RNF130: variants seen among roughly 807,000 people sequenced by gnomAD.
The protein encoded by RNF130 is ring finger protein 130.
A neutral mutation model predicts 44.6 loss-of-function variants in RNF130; 21 were observed. The ratio of observed to expected loss-of-function variants is 0.47; its 90% CI spans 0.33 to 0.68. The LOEUF is 0.68. Among genes scored for constraint, RNF130 ranks in the 30% least tolerant of loss-of-function variants. The pLI is 0.02. For missense variants in RNF130, 479 were observed against 560.6 expected (o/e 0.85, Z 1.47); for synonymous variants, 214 against 210.4 (o/e 1.02, Z -0.15).
At chr5:179,961,004 T>C (rs1171967192) in intron 8 of RNF130, among the ~76,000 whole-genome samples, 1 of 152,200 alleles carries the variant, frequency 6.6e-6, no homozygotes, top group Non-Finnish European at 1.5e-5. Context: ...GAATTTTTCA[T>C]TGATATTTTT....
At chr5:180,031,853 T>C (rs140178809) in intron 2 of RNF130, among the ~76,000 whole-genome samples, 1 of 152,370 alleles carries the variant, frequency 6.6e-6, no homozygotes, top group East Asian at 1.9e-4. Flanking sequence ...GGTTGTACCA[T>C]TTCACATTTC....
intron 7 of RNF130, among the ~76,000 whole-genome samples, chr5:179,940,970 G>A (rs1761963166): frequency 6.6e-6 from 1 of 151,986 alleles, no homozygotes; most frequent in Admixed American, 6.6e-5. Flanking sequence ...TCTTAGCTGT[G>A]TTTAAGTTGA....
chr5:180,032,532 G>A (rs1347995128), intron 2 of RNF130, among the ~76,000 whole-genome samples: 3 of 152,074 alleles, frequency 2.0e-5, no homozygotes, highest in African/African-American at 2.4e-5. Context: ...CACGAGGCCC[G>A]GCTTCTTTTT....
chr5:180,029,213 A>C (rs1183024590), intron 2 of RNF130, among the ~76,000 whole-genome samples: 1 of 152,266 alleles, frequency 6.6e-6, no homozygotes, highest in Admixed American at 6.5e-5. Flanking sequence ...GTCATAAAAA[A>C]TTAAAATCTG....
exon 8 of RNF130, chr5:179,913,456 G>A (rs961157716): frequency 6.6e-6 from 1 of 152,110 alleles, no homozygotes. Context: ...GGAAAAGGAA[G>A]GAAAACCCAA....
chr5:179,996,650 C>T (rs1349063270), intron 3 of RNF130, among the ~76,000 whole-genome samples: 1 of 152,216 alleles, frequency 6.6e-6, no homozygotes, highest in South Asian at 2.1e-4. Context: ...TCTTGCATCC[C>T]TGGGATAAAT....
At chr5:179,994,566 G>C (rs1341529532) in intron 3 of RNF130, among the ~76,000 whole-genome samples, 1 of 152,148 alleles carries the variant, frequency 6.6e-6, no homozygotes, top group African/African-American at 2.4e-5. Flanking sequence ...GCTTCTGAGT[G>C]TGTTCAGTAG....
chr5:179,949,997 AGCTGTTTTCCTGGGTG>A (rs1365974161), intron 7 of RNF130, among the ~76,000 whole-genome samples: 11 of 152,324 alleles, frequency 7.2e-5, no homozygotes, highest in Admixed American at 2.0e-4. Context: ...ATTTGTTTGA[AGCTGTTTTCCTGGGTG>A]GCCATCCTCC....
At chr5:179,963,590 T>A in intron 7 of RNF130, 26 bp from the exon 8 acceptor site, 1 of 1,514,888 alleles carries the variant, frequency 6.6e-7, no homozygotes, top group Non-Finnish European at 9.2e-7. Flanking sequence ...AGGGAGGAAA[T>A]CACTCTGGGG....
chr5:179,994,302 C>T (rs1763155461), intron 3 of RNF130, among the ~76,000 whole-genome samples: 1 of 152,118 alleles, frequency 6.6e-6, no homozygotes, highest in Non-Finnish European at 1.5e-5. Flanking sequence ...TTACCTTGGG[C>T]AGTATGGCCA....
chr5:179,948,961 A>ATTTTT (rs554440602), intron 7 of RNF130, among the ~76,000 whole-genome samples: 5 of 128,596 alleles, frequency 3.9e-5, no homozygotes, highest in South Asian at 2.4e-4. Flanking sequence ...CCTTGGAATA[A>ATTTTT]TTTTTTTTTT....
chr5:180,023,742 CAG>C (rs1388126856), intron 2 of RNF130, among the ~76,000 whole-genome samples: 5 of 152,132 alleles, frequency 3.3e-5, no homozygotes, highest in Admixed American at 3.3e-4. Context: ...ATAAATGGAG[CAG>C]AGGCAAATCA....
At chr5:179,944,086 C>T (rs2113684346) in intron 7 of RNF130, among the ~76,000 whole-genome samples, 1 of 151,962 alleles carries the variant, frequency 6.6e-6, no homozygotes, top group African/African-American at 2.4e-5. Context: ...ATTCTCCTGC[C>T]TCAGCCTCCC....
At chr5:180,046,289 A>G (rs866006437) in intron 1 of RNF130, among the ~76,000 whole-genome samples, 5 of 152,128 alleles carry the variant, frequency 3.3e-5, no homozygotes, top group South Asian at 2.1e-4. Flanking sequence ...GGGCTCCCAC[A>G]GTGCAGTGGT....
intron 3 of RNF130, among the ~76,000 whole-genome samples, chr5:180,001,792 G>A (rs187284935): frequency 1.2e-4 from 19 of 152,206 alleles, no homozygotes; most frequent in African/African-American, 3.9e-4. Flanking sequence ...GGATAGCACA[G>A]TGATAATTCC....
intron 3 of RNF130, among the ~76,000 whole-genome samples, chr5:180,008,303 G>T (rs1398164478): frequency 3.9e-5 from 6 of 151,926 alleles, no homozygotes; most frequent in Non-Finnish European, 5.9e-5. Context: ...GGCGCCAAGG[G>T]CAAAATCACA....
intron 5 of RNF130, among the ~76,000 whole-genome samples, chr5:179,973,629 T>C (rs532704310): frequency 6.6e-6 from 1 of 152,308 alleles, no homozygotes; most frequent in African/African-American, 2.4e-5. Context: ...CCCGCACGCC[T>C]GACCGCGCTC....
rs1438019287 is a variant in RNF130 at position 179,937,929 on chromosome 5, T to TGAGA, written c.1151-17504_1151-17503insTCTC. The stretch of plus-strand genomic sequence containing the variant: ...CTGTGTGTGTGTGTGTGTGTGTGTG[T>TGAGA]GTGTGAGAGAGAGAGAGAGAGAGAG... On this transcript the variant is annotated intron_variant, in intron 7 of 7. Coordinates refer to the RNF130 transcript ENST00000522208. Among the ~76,000 whole-genome samples, 414 of 134,476 alleles carry TGAGA rather than the reference T, an allele frequency of 3.1e-3. 3 individuals are homozygous for TGAGA. Among genetic ancestry groups the TGAGA allele is most frequent in the African/African-American group, 0.012 (391 of 32,476 alleles). The allele number at this position is 134,476 out of a possible 152,430, so 88.2% of individuals were successfully genotyped here.
chr5:179,966,567 AC>A, intron 7 of RNF130, among the ~76,000 whole-genome samples: 1 of 152,212 alleles, frequency 6.6e-6, no homozygotes, highest in Non-Finnish European at 1.5e-5. Flanking sequence ...ACTAAGACAG[AC>A]CTCTGAACAG....
Sources: allele counts gnomAD v4.1 joint callset (sites outside exome capture counted in the v4.1 genomes callset), GRCh38; gene constraint gnomAD v4.1.1; transcripts MANE v1.5; gene names NCBI Gene and HGNC (gene_info 2026-07-23, HGNC 2026-07-21).